The following SORCS2 variants were observed in gnomAD, a reference collection of about 807,000 sequenced individuals.
The protein encoded by SORCS2 is sortilin related VPS10 domain containing receptor 2.
Under a neutral mutation model 141.6 loss-of-function variants are expected in SORCS2, and 100 were observed. The observed-to-expected ratio is 0.71, with a 90% CI of 0.60 to 0.83. The LOEUF is 0.83. SORCS2 is among the 40% of genes least tolerant of loss of function. The probability of loss-of-function intolerance (pLI) is 0.00; values close to 1 mark genes in which losing one functional copy is unlikely to be tolerated. For synonymous variants in SORCS2, 789 were observed against 676.9 expected, an observed-to-expected ratio of 1.17 and a Z score of -2.57; for missense variants, 1,646 against 1,560.2, an observed-to-expected ratio of 1.05 and a Z score of -0.93.
intron 15 of SORCS2, 79 bp from the exon 16 acceptor site, chr4:7,714,161 G>C: frequency 6.6e-7 from 1 of 1,515,000 alleles, no homozygotes; most frequent in Non-Finnish European, 8.9e-7. Flanking sequence ...TTCAGGCTCT[G>C]GCAGCCTCAG....
chr4:7,599,219 G>A (rs972396215), intron 3 of SORCS2, among the ~76,000 whole-genome samples: 3 of 152,104 alleles, frequency 2.0e-5, no homozygotes, highest in African/African-American at 7.2e-5. Flanking sequence ...AAGTCAGCCT[G>A]ACCCCAGAAG....
intron 2 of SORCS2, among the ~76,000 whole-genome samples, 178 bp from the exon 3 acceptor site, chr4:7,531,352 G>C (rs1711625780): frequency 6.6e-6 from 1 of 152,212 alleles, no homozygotes; most frequent in African/African-American, 2.4e-5. Flanking sequence ...AGAGAGCCCA[G>C]TCTCCTCTCC....
intron 1 of SORCS2, among the ~76,000 whole-genome samples, chr4:7,338,897 G>A (rs541122556): frequency 4.3e-4 from 65 of 152,286 alleles, no homozygotes; most frequent in Non-Finnish European, 7.3e-5. Context: ...TGGAAGGCAC[G>A]TGGTCGTGCT....
At chr4:7,565,686 G>C (rs963065945) in intron 3 of SORCS2, among the ~76,000 whole-genome samples, 1 of 151,502 alleles carries the variant, frequency 6.6e-6, no homozygotes, top group Non-Finnish European at 1.5e-5. Flanking sequence ...TGTGATGATG[G>C]TGATGTTTAT....
chr4:7,393,136 C>T lies in SORCS2; in HGVS notation c.481-3152C>T, dbSNP rs1053404959. ...CCTTTGAAGTGATGAGTGGCAGCCG[C>T]GGCCGACCTCTTGTGGACAGCAGTA... On this transcript the variant is annotated intron_variant, in intron 1 of 26. Coordinates refer to ENST00000507866, the MANE Select transcript of SORCS2 (RefSeq NM_020777.3). 3.9e-5 allele frequency among the ~76,000 whole-genome samples: 6 copies of T among 152,280 alleles called. No homozygotes were observed. The East Asian group carries it at 7.8e-4, about 20-fold the overall frequency.
chr4:7,516,805 C>A (rs1733013252), intron 2 of SORCS2, among the ~76,000 whole-genome samples: 1 of 152,194 alleles, frequency 6.6e-6, no homozygotes, highest in Non-Finnish European at 1.5e-5. Flanking sequence ...CACTCTCATC[C>A]ACGTTTGCAG....
chr4:7,198,797 C>T (rs1273958915), intron 1 of SORCS2, among the ~76,000 whole-genome samples: 1 of 152,120 alleles, frequency 6.6e-6, no homozygotes. Context: ...GCCGGGGACT[C>T]TGTGTGGAGA....
chr4:7,393,817 C>T (rs1036072578), intron 1 of SORCS2, among the ~76,000 whole-genome samples: 2 of 152,174 alleles, frequency 1.3e-5, no homozygotes, highest in Admixed American at 6.5e-5. Flanking sequence ...TAATCGTCAC[C>T]GTGGCATCAT....
At chr4:7,704,572 G>C (rs1478594802) in intron 14 of SORCS2, among the ~76,000 whole-genome samples, 1 of 152,218 alleles carries the variant, frequency 6.6e-6, no homozygotes, top group African/African-American at 2.4e-5. Flanking sequence ...CACCCAGACA[G>C]ATCATCATAG....
intron 2 of SORCS2, among the ~76,000 whole-genome samples, chr4:7,485,607 G>A (rs936906415): frequency 8.5e-5 from 13 of 152,236 alleles, no homozygotes; most frequent in African/African-American, 3.1e-4. Context: ...TGGAAAACAC[G>A]GGAAGGAAAC....
intron 2 of SORCS2, among the ~76,000 whole-genome samples, chr4:7,505,672 G>T (rs150229033): frequency 6.6e-6 from 1 of 152,108 alleles, no homozygotes; most frequent in African/African-American, 2.4e-5. Flanking sequence ...AGATACCCCC[G>T]AGAGCCTGGC....
chr4:7,591,162 CCTT>C lies in SORCS2; in HGVS notation c.649-47161_649-47159del, dbSNP rs369179595. Reference sequence around the variant, plus strand: ...TCACTCTTCCTGCTTCTTTCTGTGTCCTTCTTCCACTTCCTCTTCCTCCTCCCA... The same window carrying C: ...TCACTCTTCCTGCTTCTTTCTGTGTCCTTCCACTTCCTCTTCCTCCTCCCA... On this transcript the variant is annotated intron_variant, in intron 3 of 26. Transcript: ENST00000507866. Among the ~76,000 whole-genome samples the C allele has an allele frequency of 1.6e-4, 24 of 152,298 alleles. No individual in the cohort carries two copies. The East Asian group carries it at 3.5e-3, about 22-fold the overall frequency.
chr4:7,287,025 T>G (rs1716271572), intron 1 of SORCS2, among the ~76,000 whole-genome samples: 1 of 152,186 alleles, frequency 6.6e-6, no homozygotes, highest in Admixed American at 6.5e-5. Flanking sequence ...CAGGAAGCCT[T>G]CCTTTCTCTC....
In SORCS2 at chr4:7,314,338, TTTATTTTTTTTTA is replaced by T. The variant is rs1560185124; in HGVS notation, c.481-81947_481-81935del. Among the ~76,000 whole-genome samples, 475 of 62,824 alleles carry T rather than the reference TTTATTTTTTTTTA, an allele frequency of 7.6e-3. 13 individuals are homozygous for T. The highest frequency in any genetic ancestry group is 0.02 in the South Asian group (23 of 1,130). 41.2% of individuals were successfully genotyped at this position (62,824 alleles called of 152,430 possible). A position where few individuals can be genotyped will look rare whatever the true frequency, so the allele number is the denominator to read the frequency against. On this transcript the variant is annotated intron_variant, in intron 1 of 26. Transcript: ENST00000507866. ...AAATCATGGCCTTTTTTTTATTTTT[TTTATTTTTTTTTA>T]TTTTTTGAGACGGAGTCTTGCTCAG...
chr4:7,376,884 T>C (rs1422347922), intron 1 of SORCS2, among the ~76,000 whole-genome samples: 2 of 152,084 alleles, frequency 1.3e-5, no homozygotes, highest in Non-Finnish European at 2.9e-5. Context: ...AGGGGCAGGG[T>C]CATTCCTGAC....
chr4:7,724,741 A>AGTGGTGATGGTGGTGGTG (rs1727014767), intron 19 of SORCS2, among the ~76,000 whole-genome samples: 1 of 9,978 alleles, frequency 1.0e-4, no homozygotes, highest in African/African-American at 4.8e-4. Flanking sequence ...TGGTGGTAGT[A>AGTGGTGATGGTGGTGGTG]GTGGTGATGG....
At chr4:7,699,581 A>G (rs1484593651) in intron 12 of SORCS2, among the ~76,000 whole-genome samples, 1 of 149,730 alleles carries the variant, frequency 6.7e-6, no homozygotes, top group Non-Finnish European at 1.5e-5. Context: ...CAGCAGCCCC[A>G]TCTCTCTCGG....
intron 3 of SORCS2, among the ~76,000 whole-genome samples, chr4:7,543,517 ATCCG>A (rs1488282870): frequency 1.6e-4 from 20 of 121,572 alleles, no homozygotes; most frequent in African/African-American, 2.6e-4. Context: ...CCATCCATCC[ATCCG>A]TCCATCCATC....
chr4:7,243,811 G>A (rs1257921791), intron 1 of SORCS2, among the ~76,000 whole-genome samples: 2 of 152,218 alleles, frequency 1.3e-5, no homozygotes, highest in Non-Finnish European at 2.9e-5. Flanking sequence ...CCCTGCGAGG[G>A]CAGGCCGGCC....
Sources: gnomAD v4.1 joint callset for allele counts (sites outside exome capture counted in the v4.1 genomes callset) on GRCh38, gnomAD v4.1.1 for gene constraint, MANE v1.5 for transcripts, NCBI Gene and HGNC (gene_info 2026-07-23, HGNC 2026-07-21) for gene names.